Variants in ITPR1 observed in about 807,000 individuals in gnomAD.
ITPR1 encodes inositol 1,4,5-trisphosphate-gated calcium channel ITPR1.
In ITPR1, 96 loss-of-function variants were observed where a neutral mutation model predicts 318.4. That is an observed-to-expected ratio of 0.30 (90% CI 0.26 to 0.36). The LOEUF is 0.36. Ranked by LOEUF, ITPR1 falls within the 10% of genes least tolerant of loss-of-function variation. The pLI is 1.00. For missense variants in ITPR1, 2,440 were observed against 3,460.2 expected, an observed-to-expected ratio of 0.71 and a Z score of 7.40; for synonymous variants, 1,312 against 1,289.9, an observed-to-expected ratio of 1.02 and a Z score of -0.37.
intron 12 of ITPR1, among the ~76,000 whole-genome samples, chr3:4,656,778 T>C (rs2093719240): frequency 6.6e-6 from 1 of 152,194 alleles, no homozygotes; most frequent in African/African-American, 2.4e-5. Flanking sequence ...GGGCAGAGCT[T>C]CAGCCTAAGA....
chr3:4,789,811 G>A (rs1279632865), intron 52 of ITPR1, among the ~76,000 whole-genome samples: 1 of 152,032 alleles, frequency 6.6e-6, no homozygotes, highest in Non-Finnish European at 1.5e-5. Flanking sequence ...ATAGAGATGG[G>A]GCTTCACCAT....
chr3:4,822,083 C>T (rs2049762580), intron 60 of ITPR1, among the ~76,000 whole-genome samples: 1 of 152,198 alleles, frequency 6.6e-6, no homozygotes, highest in Non-Finnish European at 1.5e-5. Context: ...CGCCGTGTGA[C>T]CCTGGGCAAG....
rs767558864 is a variant in ITPR1 at position 4,645,489 on chromosome 3, G to A, written c.708+19G>A. On this transcript the variant is annotated intron_variant, in intron 9 of 61. Transcript: ENST00000649015. ...AAAGGGGGTGAGTTTGATGCTTTAT[G>A]GGCTGAGCATTACTTGGCTCTTCTT... 2 of 1,606,054 alleles carry A rather than the reference G, an allele frequency of 1.2e-6. No individual in the cohort carries two copies. The highest frequency in any genetic ancestry group is 1.7e-6 in the Non-Finnish European group (2 of 1,172,978).
At chr3:4,784,582 T>TTTTA (rs753432146) in intron 51 of ITPR1, among the ~76,000 whole-genome samples, 4 of 146,448 alleles carry the variant, frequency 2.7e-5, no homozygotes, top group Admixed American at 1.4e-4. Context: ...TTTTTTTTTT[T>TTTTA]AAAAAAGGTG....
chr3:4,837,448 G>A (rs746665565), intron 61 of ITPR1, among the ~76,000 whole-genome samples: 1 of 151,960 alleles, frequency 6.6e-6, no homozygotes, highest in African/African-American at 2.4e-5. Context: ...CATAGTACAG[G>A]AATTATGCCA....
At chr3:4,706,976 C>T (rs1250242293) in intron 37 of ITPR1, among the ~76,000 whole-genome samples, 4 of 152,180 alleles carry the variant, frequency 2.6e-5, no homozygotes, top group Non-Finnish European at 4.4e-5. Flanking sequence ...GTTTGAGAAT[C>T]GCAGATCCTT....
intron 21 of ITPR1, 89 bp downstream of exon 21, chr3:4,673,476 A>ATT: frequency 7.8e-7 from 1 of 1,285,642 alleles, no homozygotes; most frequent in Non-Finnish European, 1.0e-6. Context: ...TAGAAGAAAG[A>ATT]TGAAGTGTTG....
intron 4 of ITPR1, among the ~76,000 whole-genome samples, chr3:4,611,306 T>C (rs905862497): frequency 4.0e-5 from 6 of 148,976 alleles, no homozygotes; most frequent in African/African-American, 7.5e-5. Flanking sequence ...ACGCCTGTAA[T>C]CCCAGCACTT....
chr3:4,564,130 G>A (rs1051408791), intron 4 of ITPR1, among the ~76,000 whole-genome samples: 2 of 151,924 alleles, frequency 1.3e-5, no homozygotes, highest in African/African-American at 2.4e-5. Flanking sequence ...TTGTAGAGAC[G>A]GGGTTTCACC....
chr3:4,673,739 C>A (rs371894151), intron 21 of ITPR1, among the ~76,000 whole-genome samples: 4 of 152,062 alleles, frequency 2.6e-5, no homozygotes, highest in South Asian at 4.2e-4. Context: ...CCCACCACCA[C>A]GCCCGGCTAA....
At chr3:4,705,152 T>C (rs2094730635) in intron 36 of ITPR1, among the ~76,000 whole-genome samples, 1 of 152,192 alleles carries the variant, frequency 6.6e-6, no homozygotes, top group African/African-American at 2.4e-5. Context: ...TTTTGAAGCA[T>C]TGAAGACAGG....
chr3:4,570,473 A>G (rs1424335301), intron 4 of ITPR1, among the ~76,000 whole-genome samples: 1 of 152,288 alleles, frequency 6.6e-6, no homozygotes, highest in Non-Finnish European at 1.5e-5. Context: ...TTATGCTACA[A>G]GAATTAAAGA....
intron 4 of ITPR1, among the ~76,000 whole-genome samples, chr3:4,559,542 C>A (rs2086469769): frequency 6.6e-6 from 1 of 152,132 alleles, no homozygotes; most frequent in South Asian, 2.1e-4. Context: ...GGGCACAATT[C>A]TTTGCATGCC....
At chr3:4,606,054 C>G (rs550084665) in intron 4 of ITPR1, among the ~76,000 whole-genome samples, 1 of 152,100 alleles carries the variant, frequency 6.6e-6, no homozygotes, top group Non-Finnish European at 1.5e-5. Context: ...TTTCTTTTCC[C>G]AAATCCAGGA....
intron 44 of ITPR1, among the ~76,000 whole-genome samples, chr3:4,752,873 G>A (rs1479283218): frequency 6.6e-6 from 1 of 152,190 alleles, no homozygotes; most frequent in African/African-American, 2.4e-5. Flanking sequence ...AATACAGTCA[G>A]GGATGAGACC....
At chr3:4,688,390 C>A in intron 30 of ITPR1, 105 bp from the exon 31 acceptor site, 1 of 1,405,882 alleles carries the variant, frequency 7.1e-7, no homozygotes. Flanking sequence ...AACAGGTCCC[C>A]AGCAAACACC....
At chr3:4,519,973 C>T (rs2082438767) in intron 3 of ITPR1, among the ~76,000 whole-genome samples, 1 of 152,000 alleles carries the variant, frequency 6.6e-6, no homozygotes, top group African/African-American at 2.4e-5. Context: ...TACCCTGAGT[C>T]CTGAAAGACA....
chr3:4,783,734 A>G, intron 50 of ITPR1, 82 bp from the exon 51 acceptor site: 1 of 1,119,642 alleles, frequency 8.9e-7, no homozygotes, highest in South Asian at 1.3e-5. Flanking sequence ...TGCATTTTTA[A>G]ATACCCAACA....
intron 4 of ITPR1, among the ~76,000 whole-genome samples, chr3:4,526,152 C>T (rs1231617573): frequency 1.3e-5 from 2 of 152,194 alleles, no homozygotes; most frequent in African/African-American, 2.4e-5. Context: ...CAGATGTTAC[C>T]ATATCAATAA....
Sources: gnomAD v4.1 joint callset for allele counts (sites outside exome capture counted in the v4.1 genomes callset) on GRCh38, gnomAD v4.1.1 for gene constraint, MANE v1.5 for transcripts, NCBI Gene and HGNC (gene_info 2026-07-23, HGNC 2026-07-21) for gene names.